FBXO34: variants seen among roughly 807,000 people sequenced by gnomAD.
The protein encoded by FBXO34 is F-box protein 34.
A neutral mutation model predicts 24.5 loss-of-function variants in FBXO34; 12 were observed. That is an observed-to-expected ratio of 0.49 (90% confidence interval 0.31 to 0.79). FBXO34 has a LOEUF of 0.79. Ranked by LOEUF, FBXO34 falls within the 30% of genes least tolerant of loss-of-function variation. The pLI is 0.04. For synonymous variants in FBXO34, 320 were observed against 311.9 expected (o/e 1.03, Z -0.27); for missense variants, 823 against 857.7 (o/e 0.96, Z 0.51).
chr14:55,309,954 A>C lies in FBXO34; in HGVS notation c.-11+38417A>C, dbSNP rs376241261. Among the ~76,000 whole-genome samples, 49 of 152,288 alleles carry C rather than the reference A, an allele frequency of 3.2e-4. 1 individual carries two copies. Among genetic ancestry groups the C allele is most frequent in the African/African-American group, 1.2e-3 (49 of 41,562 alleles). Reference sequence around the variant, plus strand: ...TCCTTATCAGTCAGTATTAGGAGTGACTGTTTTTAATAGTGATAATGAGGC... The same window carrying C: ...TCCTTATCAGTCAGTATTAGGAGTGCCTGTTTTTAATAGTGATAATGAGGC... On this transcript the variant is annotated intron_variant, in intron 1 of 1. Coordinates refer to ENST00000313833, the MANE Select transcript of FBXO34 (RefSeq NM_017943.4).
intron 1 of FBXO34, among the ~76,000 whole-genome samples, chr14:55,333,087 A>G (rs1883655431): frequency 6.6e-6 from 1 of 152,218 alleles, no homozygotes; most frequent in African/African-American, 2.4e-5. Context: ...ATTGTTAGCT[A>G]CAAGGTGACC....
intron 1 of FBXO34, among the ~76,000 whole-genome samples, chr14:55,345,319 A>G (rs1000284246): frequency 6.6e-6 from 1 of 152,014 alleles, no homozygotes; most frequent in African/African-American, 2.4e-5. Context: ...CTGTGAACCC[A>G]TTTACTTGTC....
Position 55,350,570 on chromosome 14 carries a change from G to A in FBXO34, c.180G>A (p.Lys60=), listed in dbSNP as rs756251789. 2.5e-6 allele frequency: 4 copies of A among 1,612,986 alleles called. No individual in the cohort carries two copies. Among genetic ancestry groups the A allele is most frequent in the Non-Finnish European group, 3.4e-6 (4 of 1,179,684 alleles). ...CTCTCGGTAAAGCATCATCTCGAAA[G>A]CCATTTGGGATCCTTTCTCCAAATG... The part of the protein sequence containing the change: ...SASLGKASSR[K]PFGILSPNVL... Residue 60 remains lysine, a synonymous_variant, in exon 2 of 2, where the codon AAG becomes AAA. Coordinates refer to ENST00000313833, the MANE Select transcript of FBXO34 (RefSeq NM_017943.4).
At chr14:55,375,780 T>C in the FBXO34 span, among the ~76,000 whole-genome samples, 1 of 152,232 alleles carries the variant, frequency 6.6e-6, no homozygotes, top group Non-Finnish European at 1.5e-5. Flanking sequence ...TGCTTTGCCT[T>C]GGCAAGGCCT....
At chr14:55,401,899 T>C in the FBXO34 span, among the ~76,000 whole-genome samples, 1 of 152,206 alleles carries the variant, frequency 6.6e-6, no homozygotes, top group African/African-American at 2.4e-5. Context: ...GAAAATTCTA[T>C]GTAACTGCAC....
chr14:55,299,498 A>C (rs1882270584), intron 1 of FBXO34, among the ~76,000 whole-genome samples: 1 of 152,162 alleles, frequency 6.6e-6, no homozygotes, highest in Non-Finnish European at 1.5e-5. Context: ...CAAATCCAAA[A>C]AAAAAGCAAA....
At chr14:55,386,248 G>T in the FBXO34 span, 1 of 634,372 alleles carries the variant, frequency 1.6e-6, no homozygotes, top group Non-Finnish European at 2.7e-6. Context: ...GAAAATTTGA[G>T]AGTTTAGTTC....
the FBXO34 span, among the ~76,000 whole-genome samples, chr14:55,432,398 G>A: frequency 2.0e-5 from 3 of 149,080 alleles, no homozygotes; most frequent in African/African-American, 7.4e-5. Context: ...GGATAACACA[G>A]TGAGACCGTG....
chr14:55,369,945 G>A (rs1378730194), downstream of FBXO34: 2 of 1,570,892 alleles, frequency 1.3e-6, no homozygotes, highest in Admixed American at 1.8e-5. Context: ...GACAATGAGG[G>A]TCTCTTTAGG....
chr14:55,384,446 A>C, the FBXO34 span, among the ~76,000 whole-genome samples: 3 of 152,198 alleles, frequency 2.0e-5, no homozygotes, highest in African/African-American at 7.2e-5. Context: ...ACCTCTCTCC[A>C]ACTGTCCTGC....
the FBXO34 span, among the ~76,000 whole-genome samples, chr14:55,426,311 C>T: frequency 6.6e-6 from 1 of 151,744 alleles, no homozygotes; most frequent in African/African-American, 2.4e-5. Flanking sequence ...GAAAAATTCT[C>T]ATTGACAACT....
intron 1 of FBXO34, among the ~76,000 whole-genome samples, chr14:55,331,716 T>C (rs1394693926): frequency 2.1e-5 from 1 of 48,188 alleles, no homozygotes; most frequent in African/African-American, 1.9e-4. Flanking sequence ...TATATATATA[T>C]GTATATATAT....
downstream of FBXO34, among the ~76,000 whole-genome samples, chr14:55,362,806 A>AG (rs138845867): frequency 0.035 from 5,381 of 152,088 alleles, 147 homozygotes; most frequent in Non-Finnish European, 0.053. Context: ...AGAGCAACAT[A>AG]CTTACACTCC....
chr14:55,414,469 C>T, the FBXO34 span: 1 of 1,572,630 alleles, frequency 6.4e-7, no homozygotes, highest in South Asian at 1.2e-5. Flanking sequence ...TAAAGAAATC[C>T]AGGTTTATAT....
chr14:55,356,298 T>G (rs986075355), downstream of FBXO34, among the ~76,000 whole-genome samples: 1 of 152,216 alleles, frequency 6.6e-6, no homozygotes, highest in African/African-American at 2.4e-5. Flanking sequence ...AACATGAAAT[T>G]AGCCTGCACA....
chr14:55,390,434 C>T, the FBXO34 span, among the ~76,000 whole-genome samples: 29 of 151,894 alleles, frequency 1.9e-4, no homozygotes, highest in South Asian at 4.4e-3. Context: ...AGTGCAGTGG[C>T]GCAATCTCAG....
intron 1 of FBXO34, among the ~76,000 whole-genome samples, chr14:55,319,407 T>C (rs373012186): frequency 6.6e-6 from 1 of 152,232 alleles, no homozygotes; most frequent in African/African-American, 2.4e-5. Flanking sequence ...AGCATTTATA[T>C]AGAAAGGACT....
At chr14:55,275,035 A>G (rs192267838) in intron 1 of FBXO34, among the ~76,000 whole-genome samples, 10 of 152,226 alleles carry the variant, frequency 6.6e-5, no homozygotes, top group African/African-American at 2.4e-4. Context: ...AATTCCTGTC[A>G]GTTCTTATCT....
At chr14:55,274,056 AGCC>A (rs985701884) in intron 1 of FBXO34, among the ~76,000 whole-genome samples, 2 of 152,228 alleles carry the variant, frequency 1.3e-5, no homozygotes, top group African/African-American at 4.8e-5. Context: ...CGCCCACCTC[AGCC>A]TCCCAAAGTG....
Sources: gnomAD v4.1 joint callset for allele counts (sites outside exome capture counted in the v4.1 genomes callset) on GRCh38, gnomAD v4.1.1 for gene constraint, MANE v1.5 for transcripts, NCBI Gene and HGNC (gene_info 2026-07-23, HGNC 2026-07-21) for gene names.